MTUS2: variants seen among roughly 807,000 people sequenced by gnomAD.
MTUS2 encodes the protein microtubule-associated tumor suppressor candidate 2.
Under a neutral mutation model 114.1 loss-of-function variants are expected in MTUS2, and 40 were observed. The observed-to-expected ratio is 0.35, with a 90% CI of 0.27 to 0.46. MTUS2 has a LOEUF of 0.46. Among genes scored for constraint, MTUS2 ranks in the 20% least tolerant of loss-of-function variants. MTUS2 has a pLI of 1.00. For synonymous variants in MTUS2, 688 were observed against 672.0 expected, an observed-to-expected ratio of 1.02 and a Z score of -0.37; for missense variants, 1,679 against 1,705.4, an observed-to-expected ratio of 0.98 and a Z score of 0.27.
chr13:29,209,905 C>G (rs1895353663), intron 5 of MTUS2, among the ~76,000 whole-genome samples: 1 of 152,120 alleles, frequency 6.6e-6, no homozygotes, highest in Non-Finnish European at 1.5e-5. Context: ...GACTAGGTGC[C>G]TAGGCAATTA....
At chr13:29,363,794 G>A (rs1391363248) in intron 8 of MTUS2, among the ~76,000 whole-genome samples, 1 of 152,080 alleles carries the variant, frequency 6.6e-6, no homozygotes, top group East Asian at 1.9e-4. Context: ...TAGGTAGGGA[G>A]GATTCAAAAA....
At chr13:29,009,368 A>AT (rs1885740339) in intron 2 of MTUS2, among the ~76,000 whole-genome samples, 1 of 140,556 alleles carries the variant, frequency 7.1e-6, no homozygotes, top group Admixed American at 7.1e-5. Context: ...TAACTATAAT[A>AT]AATATATCCA....
At chr13:29,247,539 G>A (rs1477587003) in intron 5 of MTUS2, among the ~76,000 whole-genome samples, 1 of 152,056 alleles carries the variant, frequency 6.6e-6, no homozygotes, top group Non-Finnish European at 1.5e-5. Flanking sequence ...GAATCTACAA[G>A]GGACTCAAAC....
At chr13:28,900,807 C>T (rs1245178094) in intron 2 of MTUS2, among the ~76,000 whole-genome samples, 1 of 152,210 alleles carries the variant, frequency 6.6e-6, no homozygotes, top group Non-Finnish European at 1.5e-5. Context: ...AGGAGTTCAG[C>T]ATATGAATCT....
chr13:29,220,872 T>A (rs1007787635), intron 5 of MTUS2, among the ~76,000 whole-genome samples: 6 of 152,234 alleles, frequency 3.9e-5, no homozygotes, highest in Admixed American at 6.5e-5. Context: ...AACAATGTGA[T>A]ATCTGCAAAA....
intron 5 of MTUS2, among the ~76,000 whole-genome samples, chr13:29,243,835 T>C (rs889588909): frequency 2.0e-5 from 3 of 152,118 alleles, no homozygotes; most frequent in African/African-American, 7.2e-5. Flanking sequence ...TCGATACAAT[T>C]TGTATAGCTC....
At chr13:29,239,605 AT>A (rs2139390319) in intron 5 of MTUS2, 1 of 152,360 alleles carries the variant, frequency 6.6e-6, no homozygotes, top group African/African-American at 2.4e-5. Flanking sequence ...ATTGCCAAGG[AT>A]TCATGGTCTA....
At chr13:28,867,549 C>T (rs1027201739) in intron 2 of MTUS2, among the ~76,000 whole-genome samples, 4 of 152,114 alleles carry the variant, frequency 2.6e-5, no homozygotes, top group African/African-American at 9.7e-5. Context: ...AAAACATATC[C>T]AAGGGAGGGA....
At chr13:28,915,816 T>C (rs1880714427) in intron 2 of MTUS2, among the ~76,000 whole-genome samples, 1 of 151,954 alleles carries the variant, frequency 6.6e-6, no homozygotes, top group African/African-American at 2.4e-5. Context: ...ATCTCATTTG[T>C]CCATTTTGCT....
Position 28,946,696 on chromosome 13 carries a change from C to G in MTUS2, c.-242-77761C>G, listed in dbSNP as rs1161097363. Among the ~76,000 whole-genome samples, 4 of 152,022 alleles carry G rather than the reference C, an allele frequency of 2.6e-5. No individual in the cohort carries two copies. In the East Asian group the frequency reaches 7.7e-4, roughly 29 times the overall value. On this transcript the variant is annotated intron_variant, in intron 2 of 15. Coordinates refer to ENST00000612955, the MANE Select transcript of MTUS2 (RefSeq NM_001033602.4). ...CTTAGCTTAGATGGACTGGCATTCA[C>G]AAAAATTAGACAACAGGGTTTTTTT...
chr13:29,396,275 A>G (rs1253294910), intron 8 of MTUS2, among the ~76,000 whole-genome samples: 2 of 152,216 alleles, frequency 1.3e-5, no homozygotes, highest in Non-Finnish European at 2.9e-5. Context: ...CATATAATTA[A>G]TATGTAATAA....
chr13:29,141,881 A>G (rs1892234902), intron 5 of MTUS2, among the ~76,000 whole-genome samples: 1 of 144,052 alleles, frequency 6.9e-6, no homozygotes, highest in South Asian at 2.2e-4. Flanking sequence ...TTTTTTTGAG[A>G]TGGACTCTCA....
At chr13:28,852,185 C>T (rs1876321151) in intron 2 of MTUS2, among the ~76,000 whole-genome samples, 1 of 152,146 alleles carries the variant, frequency 6.6e-6, no homozygotes, top group Non-Finnish European at 1.5e-5. Flanking sequence ...AGGGGCCTCA[C>T]CTGATCACAC....
intron 15 of MTUS2, among the ~76,000 whole-genome samples, 180 bp downstream of exon 15, chr13:29,501,374 T>C (rs1480659448): frequency 6.6e-6 from 1 of 152,078 alleles, no homozygotes; most frequent in African/African-American, 2.4e-5. Flanking sequence ...TGGCCACATA[T>C]CAACGGGCCC....
At chr13:28,927,041 A>G (rs538453193) in intron 2 of MTUS2, among the ~76,000 whole-genome samples, 1 of 152,330 alleles carries the variant, frequency 6.6e-6, no homozygotes, top group Admixed American at 6.5e-5. Flanking sequence ...AAGGTAGCAC[A>G]GCATCAAGAT....
chr13:29,190,522 C>T (rs1894403878), intron 5 of MTUS2, among the ~76,000 whole-genome samples: 1 of 152,194 alleles, frequency 6.6e-6, no homozygotes, highest in South Asian at 2.1e-4. Flanking sequence ...GGGAACCTTG[C>T]CCGCCTCCAG....
At chr13:28,983,220 T>C (rs9508206) in intron 2 of MTUS2, among the ~76,000 whole-genome samples, 74,571 of 151,972 alleles carry the variant, frequency 0.49, 19,453 homozygotes, top group East Asian at 0.76. Flanking sequence ...TCCACCTCTC[T>C]ATCGCTCCAG....
intron 11 of MTUS2, 115 bp downstream of exon 11, chr13:29,488,120 C>T (rs994854088): frequency 1.4e-5 from 11 of 775,948 alleles, no homozygotes; most frequent in South Asian, 1.1e-4. Flanking sequence ...CTGTCTTTCC[C>T]TCCTGGTGCA....
chr13:29,061,217 A>G (rs146687305), intron 4 of MTUS2, among the ~76,000 whole-genome samples: 2 of 152,260 alleles, frequency 1.3e-5, no homozygotes, highest in East Asian at 1.9e-4. Context: ...TAGTTTAGTT[A>G]CTTTTCAATT....
Sources: allele counts gnomAD v4.1 joint callset (sites outside exome capture counted in the v4.1 genomes callset), GRCh38; gene constraint gnomAD v4.1.1; transcripts MANE v1.5; gene names NCBI Gene and HGNC (gene_info 2026-07-23, HGNC 2026-07-21).